Variants in PLCB1 observed in about 807,000 individuals in gnomAD.
The protein encoded by PLCB1 is 1-phosphatidylinositol 4,5-bisphosphate phosphodiesterase beta-1.
Under a neutral mutation model 161.8 loss-of-function variants are expected in PLCB1, and 46 were observed. That is an observed-to-expected ratio of 0.28 (90% CI 0.22 to 0.36). The LOEUF is 0.36. Ranked by LOEUF, PLCB1 falls within the 10% of genes least tolerant of loss-of-function variation. The probability of loss-of-function intolerance (pLI) is 1.00; values close to 1 mark genes in which losing one functional copy is unlikely to be tolerated. For missense variants in PLCB1, 1,016 were observed against 1,472.5 expected, an observed-to-expected ratio of 0.69 and a Z score of 5.07; for synonymous variants, 517 against 503.7, an observed-to-expected ratio of 1.03 and a Z score of -0.35.
intron 3 of PLCB1, among the ~76,000 whole-genome samples, chr20:8,550,494 C>A (rs1368384895): frequency 6.6e-6 from 1 of 152,096 alleles, no homozygotes; most frequent in Non-Finnish European, 1.5e-5. Flanking sequence ...TTCTGTCACC[C>A]TGTGAAGAGG....
chr20:8,176,041 G>A (rs1260148761), intron 2 of PLCB1, among the ~76,000 whole-genome samples: 1 of 152,184 alleles, frequency 6.6e-6, no homozygotes, highest in Non-Finnish European at 1.5e-5. Flanking sequence ...GCTGGCAAGG[G>A]TGTGGAGGAA....
chr20:8,416,327 TGGAGA>T (rs1407924245), intron 3 of PLCB1, among the ~76,000 whole-genome samples: 1 of 147,422 alleles, frequency 6.8e-6, no homozygotes, highest in Non-Finnish European at 1.5e-5. Flanking sequence ...GAGTTCTGGA[TGGAGA>T]GAAGACTAAT....
At chr20:8,784,345 G>A (rs1296798959) in intron 27 of PLCB1, among the ~76,000 whole-genome samples, 2 of 151,922 alleles carry the variant, frequency 1.3e-5, no homozygotes, top group Admixed American at 6.5e-5. Flanking sequence ...GGCAGATCAC[G>A]TGAGGTCAGG....
At chr20:8,844,406 C>T (rs1986615284) in intron 31 of PLCB1, among the ~76,000 whole-genome samples, 1 of 152,172 alleles carries the variant, frequency 6.6e-6, no homozygotes. Flanking sequence ...GCAAGGGCAC[C>T]ACTGTCCAAG....
At chr20:8,496,839 A>G (rs1983198569) in intron 3 of PLCB1, among the ~76,000 whole-genome samples, 1 of 151,972 alleles carries the variant, frequency 6.6e-6, no homozygotes, top group Non-Finnish European at 1.5e-5. Flanking sequence ...TCAAACTCCT[A>G]ATGATACTTT....
At chr20:8,501,500 C>T (rs1259962294) in intron 3 of PLCB1, among the ~76,000 whole-genome samples, 1 of 152,202 alleles carries the variant, frequency 6.6e-6, no homozygotes, top group Non-Finnish European at 1.5e-5. Context: ...TGAGGGCTTG[C>T]TCAACCCTCT....
chr20:8,444,560 A>C (rs1980726476), intron 3 of PLCB1, among the ~76,000 whole-genome samples: 1 of 152,180 alleles, frequency 6.6e-6, no homozygotes, highest in Non-Finnish European at 1.5e-5. Flanking sequence ...TTGGGTATAT[A>C]CCCAGTAATG....
intron 2 of PLCB1, among the ~76,000 whole-genome samples, chr20:8,264,598 C>T (rs537154638): frequency 2.6e-5 from 4 of 152,204 alleles, no homozygotes; most frequent in South Asian, 4.1e-4. Context: ...TGCTCTGCAA[C>T]GTTATGGCAG....
At chr20:8,368,249 C>T (rs1054437501) in intron 2 of PLCB1, among the ~76,000 whole-genome samples, 2 of 152,022 alleles carry the variant, frequency 1.3e-5, no homozygotes, top group South Asian at 2.1e-4. Flanking sequence ...TATTACGGGC[C>T]GGGCACGGTG....
intron 31 of PLCB1, among the ~76,000 whole-genome samples, chr20:8,811,586 A>G (rs1984823737): frequency 6.7e-6 from 1 of 150,116 alleles, no homozygotes; most frequent in Non-Finnish European, 1.5e-5. Flanking sequence ...TTAATATTCA[A>G]TGGAGGAACA....
At chr20:8,559,030 A>ATAGTCCTAT (rs1986055389) in intron 3 of PLCB1, among the ~76,000 whole-genome samples, 1 of 151,912 alleles carries the variant, frequency 6.6e-6, no homozygotes, top group Non-Finnish European at 1.5e-5. Context: ...AAGTAAATAC[A>ATAGTCCTAT]TAGTCCTATA....
At chr20:8,195,053 T>C (rs1280102906) in intron 2 of PLCB1, among the ~76,000 whole-genome samples, 2 of 152,004 alleles carry the variant, frequency 1.3e-5, no homozygotes, top group Non-Finnish European at 2.9e-5. Flanking sequence ...CAGATTTTAA[T>C]TTGCATGCCT....
chr20:8,672,221 A>G (rs1989964225), intron 9 of PLCB1, among the ~76,000 whole-genome samples: 1 of 152,166 alleles, frequency 6.6e-6, no homozygotes, highest in Non-Finnish European at 1.5e-5. Flanking sequence ...CAGGTTTCCC[A>G]TCTATAAAAT....
At chr20:8,777,241 G>A (rs1418160943) in intron 27 of PLCB1, among the ~76,000 whole-genome samples, 2 of 152,132 alleles carry the variant, frequency 1.3e-5, no homozygotes, top group Admixed American at 6.5e-5. Context: ...GAGGATTGAT[G>A]TGATCTGAAG....
Position 8,356,415 on chromosome 20 carries a change from G to A in PLCB1, c.178-14967G>A. ...GGCCAGGAATTTGTGTTTCTAGCGA[G>A]TAACCAGATGATGTGATGCTGCTGG... On this transcript the variant is annotated intron_variant, in intron 2 of 31. Transcript: ENST00000338037. Among the ~76,000 whole-genome samples, 2 of 152,118 alleles carry A rather than the reference G, an allele frequency of 1.3e-5. 1 individual carries two copies. The highest frequency in any genetic ancestry group is 2.9e-5 in the Non-Finnish European group (2 of 68,018).
chr20:8,182,443 C>T (rs1222244004), intron 2 of PLCB1, among the ~76,000 whole-genome samples: 2 of 152,096 alleles, frequency 1.3e-5, no homozygotes, highest in East Asian at 1.9e-4. Context: ...TGGACCCCTA[C>T]GTCTGTCAAG....
At chr20:8,285,938 G>T (rs1044985015) in intron 2 of PLCB1, among the ~76,000 whole-genome samples, 1 of 152,114 alleles carries the variant, frequency 6.6e-6, no homozygotes, top group African/African-American at 2.4e-5. Flanking sequence ...AAATATTGAT[G>T]GTATTTTTTC....
intron 31 of PLCB1, among the ~76,000 whole-genome samples, chr20:8,810,463 G>T (rs1984760586): frequency 6.6e-6 from 1 of 152,014 alleles, no homozygotes; most frequent in African/African-American, 2.4e-5. Flanking sequence ...AAGCAGAAAA[G>T]GTTAAATGAT....
chr20:8,562,999 T>C (rs1016793925), intron 3 of PLCB1, among the ~76,000 whole-genome samples: 10 of 152,024 alleles, frequency 6.6e-5, no homozygotes, highest in African/African-American at 2.4e-4. Context: ...ACCACTTGAA[T>C]AAAAGTGAAT....
Sources: gnomAD v4.1 joint callset for allele counts (sites outside exome capture counted in the v4.1 genomes callset) on GRCh38, gnomAD v4.1.1 for gene constraint, MANE v1.5 for transcripts, NCBI Gene and HGNC (gene_info 2026-07-23, HGNC 2026-07-21) for gene names.